Variants in DSCAM observed in about 807,000 individuals in gnomAD.
DSCAM encodes the protein DS cell adhesion molecule, also known as cell adhesion molecule DSCAM.
A neutral mutation model predicts 217.7 loss-of-function variants in DSCAM; 47 were observed. The observed-to-expected ratio is 0.22, with a 90% CI of 0.17 to 0.28. The LOEUF (loss-of-function observed/expected upper bound fraction) is 0.28, where lower values mean the gene tolerates loss of function less well. Among genes scored for constraint, DSCAM ranks in the 10% least tolerant of loss-of-function variants. The pLI is 1.00. For synonymous variants in DSCAM, 1,056 were observed against 1,015.3 expected, an observed-to-expected ratio of 1.04 and a Z score of -0.76; for missense variants, 2,080 against 2,618.3, an observed-to-expected ratio of 0.79 and a Z score of 4.49.
intron 3 of DSCAM, among the ~76,000 whole-genome samples, chr21:40,663,286 TGTGTGTGTG>T (rs1568970639): frequency 6.7e-6 from 1 of 149,726 alleles, no homozygotes; most frequent in African/African-American, 2.5e-5. Flanking sequence ...TGTATATGTG[TGTGTGTGTG>T]GTGTGTGTGG....
chr21:40,015,062 C>G lies in DSCAM; in HGVS notation c.5687-1676G>C, dbSNP rs1340756313. Among the ~76,000 whole-genome samples the G allele has an allele frequency of 3.3e-5, 5 of 152,178 alleles. 1 individual carries two copies. Among genetic ancestry groups the G allele is most frequent in the Admixed American group, 2.6e-4 (4 of 15,286 alleles). ...GTCTTTCCTCTAAATACGGAGTGTTCAGTGGCCTGCTCTCAGGCCTCTCTC... is the reference window on the plus strand; with the variant it reads ...GTCTTTCCTCTAAATACGGAGTGTTGAGTGGCCTGCTCTCAGGCCTCTCTC... On this transcript the variant is annotated intron_variant, in intron 32 of 32. Transcript: ENST00000400454.
At chr21:40,510,053 G>C (rs952634687) in intron 3 of DSCAM, among the ~76,000 whole-genome samples, 1 of 152,092 alleles carries the variant, frequency 6.6e-6, no homozygotes, top group Non-Finnish European at 1.5e-5. Flanking sequence ...GAACCCAGGA[G>C]GCACAGGTTT....
intron 11 of DSCAM, among the ~76,000 whole-genome samples, chr21:40,205,260 C>A: frequency 9.0e-6 from 1 of 111,054 alleles, no homozygotes; most frequent in African/African-American, 4.0e-5. Context: ...CCAAGCAGTG[C>A]ATGCTGGGGG....
At chr21:40,476,369 T>C (rs540628197) in intron 3 of DSCAM, among the ~76,000 whole-genome samples, 8 of 152,168 alleles carry the variant, frequency 5.3e-5, no homozygotes, top group African/African-American at 7.2e-5. Context: ...ATATAACCCA[T>C]TGAGTTGTTA....
intron 11 of DSCAM, among the ~76,000 whole-genome samples, chr21:40,249,590 A>C (rs1043595140): frequency 1.3e-5 from 2 of 152,194 alleles, no homozygotes; most frequent in Non-Finnish European, 2.9e-5. Flanking sequence ...GGGAATTGTG[A>C]AGGGTGAACA....
intron 15 of DSCAM, among the ~76,000 whole-genome samples, chr21:40,177,066 G>A (rs186172454): frequency 1.6e-3 from 246 of 152,362 alleles, no homozygotes; most frequent in African/African-American, 5.4e-3. Context: ...GAGAGAAGGA[G>A]AAGATTGAGC....
chr21:40,205,143 T>C (rs2091110540), intron 11 of DSCAM, among the ~76,000 whole-genome samples: 1 of 152,182 alleles, frequency 6.6e-6, no homozygotes, highest in South Asian at 2.1e-4. Flanking sequence ...GAGACATGTG[T>C]AAAGGTCCCT....
At chr21:40,565,019 G>A (rs938641399) in intron 3 of DSCAM, among the ~76,000 whole-genome samples, 14 of 152,098 alleles carry the variant, frequency 9.2e-5, no homozygotes, top group African/African-American at 2.7e-4. Flanking sequence ...GACCCAACAC[G>A]GTGCCATTTC....
rs71186936 is a variant in DSCAM, at chr21:40,428,234, TTGTGTGTGTGTGTGTGTG to T, written c.509-59007_509-58990del. Among the ~76,000 whole-genome samples the T allele has an allele frequency of 3.9e-3, 506 of 129,290 alleles. 2 individuals carry two copies. The highest frequency in any genetic ancestry group is 0.014 in the East Asian group (59 of 4,252). The allele number at this position is 129,290 out of a possible 152,430, so 84.8% of individuals were successfully genotyped here. A position where few individuals can be genotyped will look rare whatever the true frequency, so the allele number is the denominator to read the frequency against. On this transcript the variant is annotated intron_variant, in intron 3 of 32. Transcript: ENST00000400454. ...CTGTGTGACCATGAGGGCAAATACT[TTGTGTGTGTGTGTGTGTG>T]TGTGTGTGTGTGTGTGTGTGTGTGT...
At chr21:40,220,066 A>T (rs2091277282) in intron 11 of DSCAM, among the ~76,000 whole-genome samples, 2 of 152,192 alleles carry the variant, frequency 1.3e-5, no homozygotes, top group African/African-American at 4.8e-5. Context: ...ACGTTTTGCC[A>T]GGTTAGATTT....
At chr21:40,279,644 T>G (rs2073733495) in intron 10 of DSCAM, among the ~76,000 whole-genome samples, 2 of 152,214 alleles carry the variant, frequency 1.3e-5, no homozygotes, top group Non-Finnish European at 2.9e-5. Flanking sequence ...CAAGGGATTA[T>G]AAATCATTTT....
At chr21:40,074,067 AT>A (rs2089331446) in intron 27 of DSCAM, among the ~76,000 whole-genome samples, 1 of 152,230 alleles carries the variant, frequency 6.6e-6, no homozygotes, top group Admixed American at 6.5e-5. Context: ...AGGTGAAAAT[AT>A]TACCATGTTC....
At chr21:40,378,554 A>ATTTTTTTTTTTTTTTTTT (rs71186931) in intron 3 of DSCAM, among the ~76,000 whole-genome samples, 1 of 75,650 alleles carries the variant, frequency 1.3e-5, no homozygotes, top group Non-Finnish European at 2.5e-5. Context: ...ATGAAAACTT[A>ATTTTTTTTTTTTTTTTTT]TTTTTTTTTT....
intron 3 of DSCAM, among the ~76,000 whole-genome samples, chr21:40,388,414 G>A (rs897687304): frequency 2.8e-4 from 42 of 152,094 alleles, no homozygotes; most frequent in African/African-American, 9.2e-4. Flanking sequence ...TGTGTTTCTC[G>A]GTATGAGGTA....
At chr21:40,057,596 C>T (rs1183259043) in intron 28 of DSCAM, among the ~76,000 whole-genome samples, 1 of 152,168 alleles carries the variant, frequency 6.6e-6, no homozygotes, top group Non-Finnish European at 1.5e-5. Flanking sequence ...GCAGGCTATA[C>T]TTAAACAACA....
intron 3 of DSCAM, among the ~76,000 whole-genome samples, chr21:40,436,543 A>G (rs1601642777): frequency 6.6e-6 from 1 of 151,962 alleles, no homozygotes; most frequent in Non-Finnish European, 1.5e-5. Flanking sequence ...TAGATTCTTA[A>G]CTCTCCACTG....
At chr21:40,301,602 T>A (rs2074015187) in intron 9 of DSCAM, among the ~76,000 whole-genome samples, 1 of 152,224 alleles carries the variant, frequency 6.6e-6, no homozygotes, top group South Asian at 2.1e-4. Flanking sequence ...CCATAGCCTT[T>A]ATTACGCTCA....
chr21:40,372,679 A>G (rs867765609), intron 3 of DSCAM, among the ~76,000 whole-genome samples: 28 of 152,232 alleles, frequency 1.8e-4, no homozygotes, highest in Middle Eastern at 3.4e-3. Context: ...CTCCTTTACT[A>G]TCCAGCTGTT....
chr21:40,351,077 G>A (rs1402299839), intron 5 of DSCAM, among the ~76,000 whole-genome samples: 2 of 151,496 alleles, frequency 1.3e-5, no homozygotes, highest in African/African-American at 4.9e-5. Flanking sequence ...GGAATCACTA[G>A]GTCATAGGTC....
Sources: allele counts gnomAD v4.1 joint callset (sites outside exome capture counted in the v4.1 genomes callset), GRCh38; gene constraint gnomAD v4.1.1; transcripts MANE v1.5; gene names NCBI Gene and HGNC (gene_info 2026-07-23, HGNC 2026-07-21).